IBTK: variants seen among roughly 807,000 people sequenced by gnomAD.
IBTK encodes the protein BTK-binding protein.
IBTK carries 83 observed loss-of-function variants against 154.9 expected under a neutral mutation model. That is an observed-to-expected ratio of 0.54 (90% CI 0.45 to 0.64). The LOEUF is 0.64. Ranked by LOEUF, IBTK falls within the 30% of genes least tolerant of loss-of-function variation. The pLI, the probability that IBTK is intolerant of heterozygous loss-of-function variation, is 0.00. For missense variants in IBTK, 1,332 were observed against 1,584.6 expected (o/e 0.84, Z 2.71); for synonymous variants, 515 against 536.1 (o/e 0.96, Z 0.54).
chr6:82,234,853 T>A (rs1770655308), intron 2 of IBTK, among the ~76,000 whole-genome samples: 1 of 152,066 alleles, frequency 6.6e-6, no homozygotes, highest in Non-Finnish European at 1.5e-5. Context: ...AAAAATTAAC[T>A]ACATGTGAAC....
chr6:82,181,925 CT>C lies in IBTK; in HGVS notation c.3678del (p.Val1227PhefsTer36). The C allele has an allele frequency of 1.3e-6, 2 of 1,588,730 alleles. No individual in the cohort carries two copies. Among genetic ancestry groups the C allele is most frequent in the Admixed American group, 2.0e-5 (1 of 50,998 alleles). ...GAATTTTCAATTCCTTTAAAAGAAA[CT>C]TTTTTGACATGATCGCCTGAACTAT... The part of the protein sequence containing the change: ...TSHSSGDHVK[K>X]VSFKGIENSQ... On this transcript the variant is annotated frameshift_variant, in exon 26 of 29. Transcript: ENST00000306270. LOFTEE classifies it high-confidence loss of function.
intron 2 of IBTK, among the ~76,000 whole-genome samples, 175 bp from the exon 3 acceptor site, chr6:82,234,430 C>T (rs1317144334): frequency 1.3e-5 from 2 of 151,806 alleles, no homozygotes; most frequent in East Asian, 1.9e-4. Context: ...CCTCCACCTC[C>T]CAGGTTCAAG....
chr6:82,208,418 C>T (rs1769495306), intron 16 of IBTK, among the ~76,000 whole-genome samples: 1 of 151,990 alleles, frequency 6.6e-6, no homozygotes, highest in Non-Finnish European at 1.5e-5. Flanking sequence ...CAACGAATTC[C>T]TAGATATGAC....
chr6:82,172,394 A>G lies in IBTK; in HGVS notation c.3916T>C (p.Leu1306=), dbSNP rs1165800519. The G allele has an allele frequency of 2.5e-6, 4 of 1,613,568 alleles. No homozygotes were observed. Among genetic ancestry groups the G allele is most frequent in the Non-Finnish European group, 3.4e-6 (4 of 1,179,848 alleles). Residue 1306 remains leucine (L), a synonymous_variant, in exon 28 of 29, where the codon TTG becomes CTG. Coordinates refer to ENST00000306270, the MANE Select transcript of IBTK (RefSeq NM_015525.4). ...AALIRSREKP[L]ALIQIEEHAI... is the part of the protein sequence containing the mutation. Reference sequence around the variant, plus strand: ...ATGTTATTTACCTGAATCAGAGCCAACGGTTTTTCTCGACTTCTAATAAGA... The same window carrying G: ...ATGTTATTTACCTGAATCAGAGCCAGCGGTTTTTCTCGACTTCTAATAAGA...
intron 2 of IBTK, among the ~76,000 whole-genome samples, chr6:82,238,228 A>G (rs188115087): frequency 4.7e-4 from 71 of 152,204 alleles, no homozygotes; most frequent in Non-Finnish European, 8.2e-4. Flanking sequence ...TGGGTAACAA[A>G]GCAAGACTCC....
chr6:82,240,890 C>T (rs1022910696), intron 1 of IBTK, 47 bp from the exon 2 acceptor site: 12 of 405,140 alleles, frequency 3.0e-5, no homozygotes, highest in African/African-American at 1.2e-4. Flanking sequence ...ATCTGTCTCT[C>T]GCTCTCCTTG....
At chr6:82,237,693 T>TAGTAGTAGTAGC (rs1398440213) in intron 2 of IBTK, among the ~76,000 whole-genome samples, 26 of 149,778 alleles carry the variant, frequency 1.7e-4, no homozygotes, top group African/African-American at 6.4e-4. Flanking sequence ...GTAGTAGTAG[T>TAGTAGTAGTAGC]AGCAGTAATA....
chr6:82,200,696 C>T lies in IBTK; in HGVS notation c.2803G>A (p.Asp935Asn). 8 of 1,572,496 alleles carry T rather than the reference C, an allele frequency of 5.1e-6. No individual in the cohort carries two copies. The highest frequency in any genetic ancestry group is 6.0e-6 in the Non-Finnish European group (7 of 1,167,200). Reference sequence around the variant, plus strand: ...TGATATGGTGTAATGACTCTTCTATCCATTGCTGGAATCTGCAGAATTGAA... The same window carrying T: ...TGATATGGTGTAATGACTCTTCTATTCATTGCTGGAATCTGCAGAATTGAA... ...EFYRKMIPAM[D>N]RRVITPYQDG... is the part of the protein sequence containing the mutation. The change falls in exon 20 of 29, where the codon GAT becomes AAT. Residue 935 changes from aspartate (D) to asparagine (N), a missense_variant. Asp to Asn is a conservative substitution (Grantham distance 23, BLOSUM62 1). Transcript: ENST00000306270.
chr6:82,224,971 C>T, intron 6 of IBTK, among the ~76,000 whole-genome samples: 1 of 152,068 alleles, frequency 6.6e-6, no homozygotes, highest in Non-Finnish European at 1.5e-5. Flanking sequence ...CAAACAAATG[C>T]TAATATGTAC....
At chr6:82,212,445 C>G (rs1367180357) in intron 13 of IBTK, among the ~76,000 whole-genome samples, 1 of 151,762 alleles carries the variant, frequency 6.6e-6, no homozygotes, top group Non-Finnish European at 1.5e-5. Context: ...AAAATTCAGG[C>G]AAGAAAAAAT....
chr6:82,225,916 C>T (rs915547771), intron 5 of IBTK, among the ~76,000 whole-genome samples: 1 of 151,732 alleles, frequency 6.6e-6, no homozygotes, highest in East Asian at 1.9e-4. Context: ...TTACCAAGTG[C>T]AAATTTGTTT....
intron 5 of IBTK, among the ~76,000 whole-genome samples, 158 bp from the exon 6 acceptor site, chr6:82,225,805 T>C (rs1562100737): frequency 6.6e-6 from 1 of 152,174 alleles, no homozygotes; most frequent in South Asian, 2.1e-4. Flanking sequence ...AAAGGGTAGA[T>C]GAGTTTAAAA....
rs1045939296 is a variant in IBTK at position 82,170,896 on chromosome 6, T to G, written c.*529A>C. On this transcript the variant is annotated 3_prime_UTR_variant, in exon 29 of 29. Transcript: ENST00000306270. ...GTGCAGGTCAAGCTTTGAAGAGACATGGACCACATGATTAGCCTGATTTTT... is the reference window on the plus strand; with the variant it reads ...GTGCAGGTCAAGCTTTGAAGAGACAGGGACCACATGATTAGCCTGATTTTT... 1 of 153,488 alleles carries G rather than the reference T, an allele frequency of 6.5e-6. No individual in the cohort carries two copies. Among genetic ancestry groups the G allele is most frequent in the Non-Finnish European group, 1.4e-5 (1 of 69,092 alleles). 9.5% of individuals were successfully genotyped at this position (153,488 alleles called of 1,614,324 possible). A position where few individuals can be genotyped will look rare whatever the true frequency, so the allele number is the denominator to read the frequency against.
chr6:82,196,362 A>C lies in IBTK; in HGVS notation c.3110T>G (p.Val1037Gly), dbSNP rs1464175817. The C allele has an allele frequency of 6.2e-7, 1 of 1,612,754 alleles. No homozygotes were observed. Among genetic ancestry groups the C allele is most frequent in the Non-Finnish European group, 8.5e-7 (1 of 1,179,190 alleles). Residue 1037 changes from valine to glycine, a missense_variant, in exon 22 of 29, where the codon GTG (valine) becomes GGG (glycine). Transcript: ENST00000306270. ...TSDSEGSYAG[V>G]GSPRDLQSPD... ...GGACTGTAAATCTCTAGGACTACCCACTCCTGCATAGCTTCCTTCAGAGTC... is the reference window on the plus strand; with the variant it reads ...GGACTGTAAATCTCTAGGACTACCCCCTCCTGCATAGCTTCCTTCAGAGTC...
chr6:82,210,814 C>T lies in IBTK; in HGVS notation c.2509G>A (p.Glu837Lys). Residue 837 changes from glutamate to lysine, a missense_variant and splice_region_variant, in exon 16 of 29, where the codon GAA becomes AAA. Physicochemically the swap from Glu to Lys is moderately conservative, Grantham distance 56 (BLOSUM62 1). This residue lies in a region of IBTK where 1,134 missense variants were observed against 1,274.7 expected (regional missense o/e 0.89). Coordinates refer to ENST00000306270, the MANE Select transcript of IBTK (RefSeq NM_015525.4). Reference sequence around the variant, plus strand: ...ACAATGTCCTAACTCTTATTAATACCTTTTATCACCACAGCTTCATCAGTA... The same window carrying T: ...ACAATGTCCTAACTCTTATTAATACTTTTTATCACCACAGCTTCATCAGTA... ...LYTDEAVVIKESQNVDFICSV... is the reference protein window; with the variant it reads ...LYTDEAVVIKKSQNVDFICSV... 2 of 1,397,546 alleles carry T rather than the reference C, an allele frequency of 1.4e-6. No individual in the cohort carries two copies. Among genetic ancestry groups the T allele is most frequent in the Non-Finnish European group, 2.0e-6 (2 of 1,021,592 alleles). 86.6% of individuals were successfully genotyped at this position (1,397,546 alleles called of 1,614,324 possible). A position where few individuals can be genotyped will look rare whatever the true frequency, so the allele number is the denominator to read the frequency against.
intron 16 of IBTK, among the ~76,000 whole-genome samples, chr6:82,207,655 G>C (rs987663966): frequency 1.3e-5 from 2 of 152,066 alleles, no homozygotes; most frequent in African/African-American, 4.8e-5. Flanking sequence ...GAACACAGTA[G>C]GAAAACTCAC....
chr6:82,240,355 A>G lies in IBTK; in HGVS notation c.132T>C (p.Ala44=). The G allele has an allele frequency of 6.2e-7, 1 of 1,614,202 alleles. No homozygotes were observed. The highest frequency in any genetic ancestry group is 8.5e-7 in the Non-Finnish European group (1 of 1,180,036). ...TGCCAAAAACATCCTTGATAGTTGC[A>G]GCATTGTAACAATGACTGGAGAGAA... ...KAFLSSHCYN[A]ATIKDVFGRN... is the part of the protein sequence containing the mutation. Residue 44 remains alanine (A), a synonymous_variant, in exon 2 of 29, where the codon GCT becomes GCC. Transcript: ENST00000306270.
chr6:82,246,441 CTTTT>C lies in IBTK; in HGVS notation c.-358+1117_-358+1120del, dbSNP rs1554189129. 6.3e-5 allele frequency among the ~76,000 whole-genome samples: 7 copies of C among 111,680 alleles called. No homozygotes were observed. In the East Asian group the frequency reaches 1.8e-3, roughly 29 times the overall value. 73.3% of individuals were successfully genotyped at this position (111,680 alleles called of 152,430 possible). On this transcript the variant is annotated intron_variant, in intron 1 of 28. Transcript: ENST00000306270. ...CCCAGACTGCTGGGATTACAGGCATCTTTTTTTTTTTTTTTTTTTTTGAGATGGT... is the reference window on the plus strand; with the variant it reads ...CCCAGACTGCTGGGATTACAGGCATCTTTTTTTTTTTTTTTTTGAGATGGT...
chr6:82,185,305 A>T (rs1312084368), intron 25 of IBTK, among the ~76,000 whole-genome samples: 4 of 151,876 alleles, frequency 2.6e-5, no homozygotes, highest in African/African-American at 9.7e-5. Flanking sequence ...TCATGCCTGT[A>T]ATCCCAACAC....
Sources: gnomAD v4.1 joint callset for allele counts (sites outside exome capture counted in the v4.1 genomes callset) on GRCh38, gnomAD v4.1.1 for gene constraint, gnomAD v4.1.1 regional missense constraint, MANE v1.5 for transcripts, NCBI Gene and HGNC (gene_info 2026-07-23, HGNC 2026-07-21) for gene names.